The following NAALADL2 variants were observed in gnomAD, a reference collection of about 807,000 sequenced individuals.
NAALADL2 encodes inactive N-acetylated-alpha-linked acidic dipeptidase-like protein 2.
NAALADL2 carries 76 observed loss-of-function variants against 87.2 expected under a neutral mutation model. The ratio of observed to expected loss-of-function variants is 0.87; its 90% CI spans 0.72 to 1.05. The LOEUF is 1.05. NAALADL2 is among the 50% of genes least tolerant of loss of function. The probability of loss-of-function intolerance (pLI) is 0.00; values close to 1 mark genes in which losing one functional copy is unlikely to be tolerated. For missense variants in NAALADL2, 1,089 were observed against 945.8 expected (o/e 1.15, Z -1.99); for synonymous variants, 354 against 331.0 (o/e 1.07, Z -0.75).
intron 2 of NAALADL2, among the ~76,000 whole-genome samples, chr3:174,608,664 A>T (rs1578300394): frequency 6.6e-6 from 1 of 152,086 alleles, no homozygotes; most frequent in Non-Finnish European, 1.5e-5. Flanking sequence ...AATTGTGGCA[A>T]TAATCAATAG....
intron 1 of NAALADL2, among the ~76,000 whole-genome samples, chr3:175,066,557 T>C (rs1053255152): frequency 6.6e-6 from 1 of 152,188 alleles, no homozygotes; most frequent in Non-Finnish European, 1.5e-5. Context: ...AAAACCCTTG[T>C]GGCTGTTACA....
chr3:175,642,906 GTA>G (rs1729498142), intron 11 of NAALADL2, among the ~76,000 whole-genome samples: 1 of 152,068 alleles, frequency 6.6e-6, no homozygotes, highest in Non-Finnish European at 1.5e-5. Flanking sequence ...AGTGATTCAG[GTA>G]TATGTTTTGA....
intron 4 of NAALADL2, among the ~76,000 whole-genome samples, chr3:175,293,393 T>C (rs76130993): frequency 0.037 from 5,694 of 152,238 alleles, 370 homozygotes; most frequent in African/African-American, 0.13. Flanking sequence ...AGAAAGCAGC[T>C]AATAGTAGCT....
chr3:175,673,372 A>T (rs115366539), intron 11 of NAALADL2, among the ~76,000 whole-genome samples: 6,580 of 152,196 alleles, frequency 0.043, 230 homozygotes, highest in African/African-American at 0.093. Context: ...TATTCATGTA[A>T]AAACAATCTT....
chr3:174,753,999 G>C (rs933029239), intron 3 of NAALADL2, among the ~76,000 whole-genome samples: 2 of 152,152 alleles, frequency 1.3e-5, no homozygotes, highest in African/African-American at 4.8e-5. Flanking sequence ...ACCCAATTAT[G>C]CTGACACCAG....
rs1173047541 is a variant in NAALADL2, at chr3:174,464,692, A to T, written c.-184+23660A>T. ...TTAATTAAAACTAATAAAATGTTTG[A>T]TTTTTGACAATATTTTAATTGAATG... On this transcript the variant is annotated intron_variant, in intron 1 of 3. Transcript: ENST00000434257. Among the ~76,000 whole-genome samples, 3 of 152,052 alleles carry T rather than the reference A, an allele frequency of 2.0e-5. No individual in the cohort carries two copies. In the East Asian group the frequency reaches 5.8e-4, roughly 29 times the overall value.
In NAALADL2 at chr3:175,226,383, T is replaced by G. The variant is rs548548580; in HGVS notation, c.546-7548T>G. 9.9e-5 allele frequency among the ~76,000 whole-genome samples: 15 copies of G among 152,258 alleles called. No individual in the cohort carries two copies. In the South Asian group the frequency reaches 2.7e-3, roughly 27 times the overall value. ...ATAAAGATTTATTTCCACCTACCTCTTACTATCTAACTTTTATTTTACCCA... is the reference window on the plus strand; with the variant it reads ...ATAAAGATTTATTTCCACCTACCTCGTACTATCTAACTTTTATTTTACCCA... On this transcript the variant is annotated intron_variant, in intron 2 of 13. Coordinates refer to ENST00000454872, the MANE Select transcript of NAALADL2 (RefSeq NM_207015.3).
intron 13 of NAALADL2, among the ~76,000 whole-genome samples, chr3:175,794,788 T>G (rs544878110): frequency 2.4e-4 from 36 of 152,220 alleles, no homozygotes; most frequent in Non-Finnish European, 2.8e-4. Context: ...TAATTCATAT[T>G]TAAAAAAATT....
chr3:175,689,429 A>G (rs1249152799), intron 11 of NAALADL2, among the ~76,000 whole-genome samples: 1 of 152,160 alleles, frequency 6.6e-6, no homozygotes, highest in Non-Finnish European at 1.5e-5. Context: ...GAATTTTAGA[A>G]TAATAGAAAA....
rs560129139 is a variant in NAALADL2 at position 174,745,658 on chromosome 3, A to G, written c.-9+7912A>G. ...GACAACAAAAAGAAAACTTCAGCCA[A>G]TATCCCTGATGAACATTGATGTGAA... On this transcript the variant is annotated intron_variant, in intron 3 of 3. Transcript: ENST00000434257. Among the ~76,000 whole-genome samples, 15 of 152,286 alleles carry G rather than the reference A, an allele frequency of 9.8e-5. No homozygotes were observed. In the South Asian group the frequency reaches 1.9e-3, roughly 19 times the overall value.
intron 1 of NAALADL2, among the ~76,000 whole-genome samples, chr3:175,035,712 A>G (rs1285337573): frequency 6.6e-6 from 1 of 152,198 alleles, no homozygotes; most frequent in East Asian, 1.9e-4. Context: ...GTTAAACAAA[A>G]CATATAGAAT....
At chr3:175,368,481 G>C (rs1765970892) in intron 5 of NAALADL2, among the ~76,000 whole-genome samples, 2 of 151,908 alleles carry the variant, frequency 1.3e-5, no homozygotes, top group Non-Finnish European at 2.9e-5. Context: ...GAATCCATCT[G>C]GTCCGAAAAT....
chr3:175,610,566 AT>A (rs1186751317), intron 10 of NAALADL2, among the ~76,000 whole-genome samples: 1 of 152,062 alleles, frequency 6.6e-6, no homozygotes, highest in Non-Finnish European at 1.5e-5. Flanking sequence ...ACTATGTTGA[AT>A]TTTTAATCCA....
chr3:174,885,918 TTTTTTTTTTTTTTTA>T, intron 1 of NAALADL2, among the ~76,000 whole-genome samples: 2 of 53,670 alleles, frequency 3.7e-5, no homozygotes, highest in African/African-American at 1.7e-4. Context: ...TTTTTTTTTT[TTTTTTTTTTTTTTTA>T]GATGGAGTCT....
At chr3:175,788,656 C>A (rs1407111159) in intron 13 of NAALADL2, among the ~76,000 whole-genome samples, 1 of 152,126 alleles carries the variant, frequency 6.6e-6, no homozygotes, top group African/African-American at 2.4e-5. Flanking sequence ...TTTATCAGAG[C>A]ATATTCCTGT....
At chr3:174,846,583 T>A (rs866016183) in intron 3 of NAALADL2, among the ~76,000 whole-genome samples, 4 of 152,190 alleles carry the variant, frequency 2.6e-5, no homozygotes, top group East Asian at 1.9e-4. Context: ...AAGTTCTGAG[T>A]AGGCCTCAAT....
chr3:174,864,091 G>A (rs1726838987), intron 1 of NAALADL2: 6 of 455,458 alleles, frequency 1.3e-5, no homozygotes, highest in South Asian at 9.3e-5. Flanking sequence ...GAAATCCAAG[G>A]TGAGTCTGAC....
intron 4 of NAALADL2, among the ~76,000 whole-genome samples, chr3:175,266,860 G>T (rs894748378): frequency 6.6e-6 from 1 of 151,722 alleles, no homozygotes; most frequent in African/African-American, 2.4e-5. Context: ...ACCTGGTGAA[G>T]GTATTATGGA....
At chr3:174,824,856 T>C (rs1451690176) in intron 3 of NAALADL2, among the ~76,000 whole-genome samples, 2 of 152,190 alleles carry the variant, frequency 1.3e-5, no homozygotes, top group South Asian at 2.1e-4. Context: ...ATGACATATG[T>C]AACTCATCAA....
Sources: allele counts gnomAD v4.1 joint callset (sites outside exome capture counted in the v4.1 genomes callset), GRCh38; gene constraint gnomAD v4.1.1; transcripts MANE v1.5; gene names NCBI Gene and HGNC (gene_info 2026-07-23, HGNC 2026-07-21).